ANKS1B: variants seen among roughly 807,000 people sequenced by gnomAD.
ANKS1B encodes ankyrin repeat and sterile alpha motif domain-containing protein 1B.
A neutral mutation model predicts 148.3 loss-of-function variants in ANKS1B; 36 were observed. That is an observed-to-expected ratio of 0.24 (90% CI 0.19 to 0.32). The LOEUF (loss-of-function observed/expected upper bound fraction) is 0.32, where lower values mean the gene tolerates loss of function less well. Among genes scored for constraint, ANKS1B ranks in the 10% least tolerant of loss-of-function variants. The pLI, the probability that ANKS1B is intolerant of heterozygous loss-of-function variation, is 1.00. For synonymous variants in ANKS1B, 542 were observed against 560.8 expected (o/e 0.97, Z 0.47); for missense variants, 1,157 against 1,542.6 (o/e 0.75, Z 4.19).
intron 1 of ANKS1B, among the ~76,000 whole-genome samples, chr12:99,976,708 C>T (rs888520952): frequency 6.6e-6 from 1 of 152,150 alleles, no homozygotes; most frequent in African/African-American, 2.4e-5. Context: ...CATTTCACAA[C>T]TAGATCCATG....
At chr12:99,278,584 C>T (rs1158397520) in intron 12 of ANKS1B, among the ~76,000 whole-genome samples, 1 of 152,134 alleles carries the variant, frequency 6.6e-6, no homozygotes, top group Non-Finnish European at 1.5e-5. Context: ...ACACATCCTT[C>T]AAGACCAAGG....
At chr12:98,961,201 G>A (rs530041997) in intron 17 of ANKS1B, among the ~76,000 whole-genome samples, 4 of 152,082 alleles carry the variant, frequency 2.6e-5, no homozygotes, top group African/African-American at 9.7e-5. Context: ...ACCTCAAGAC[G>A]TTTAATAATC....
intron 17 of ANKS1B, among the ~76,000 whole-genome samples, chr12:98,911,193 C>T (rs374672679): frequency 1.2e-4 from 19 of 152,200 alleles, no homozygotes; most frequent in African/African-American, 4.1e-4. Context: ...TACTATAAAA[C>T]TGTGTACTAT....
At chr12:99,910,400 G>A (rs577877077) in intron 1 of ANKS1B, among the ~76,000 whole-genome samples, 3 of 145,818 alleles carry the variant, frequency 2.1e-5, no homozygotes, top group South Asian at 4.4e-4. Flanking sequence ...ACAGATACAT[G>A]CAATAACATG....
intron 4 of ANKS1B, among the ~76,000 whole-genome samples, chr12:99,797,084 C>T (rs973887796): frequency 2.0e-5 from 3 of 151,902 alleles, no homozygotes; most frequent in African/African-American, 4.8e-5. Flanking sequence ...CTATTTACTG[C>T]TATCACAATG....
chr12:98,899,942 A>G (rs2099769846), intron 17 of ANKS1B, among the ~76,000 whole-genome samples: 1 of 152,238 alleles, frequency 6.6e-6, no homozygotes, highest in African/African-American at 2.4e-5. Flanking sequence ...AATGATAGTA[A>G]CCTCAACCAG....
At chr12:99,381,821 T>C (rs2093654625) in intron 12 of ANKS1B, among the ~76,000 whole-genome samples, 1 of 152,212 alleles carries the variant, frequency 6.6e-6, no homozygotes, top group South Asian at 2.1e-4. Flanking sequence ...ACTATTTGGA[T>C]TTTCTTACAG....
chr12:99,691,442 C>T (rs185912984), intron 8 of ANKS1B, among the ~76,000 whole-genome samples: 15 of 152,310 alleles, frequency 9.8e-5, no homozygotes, highest in African/African-American at 3.6e-4. Flanking sequence ...CTCTTGAACA[C>T]TTTGCTGCTT....
At chr12:99,693,643 A>C (rs2053457897) in intron 8 of ANKS1B, among the ~76,000 whole-genome samples, 1 of 152,232 alleles carries the variant, frequency 6.6e-6, no homozygotes, top group Non-Finnish European at 1.5e-5. Context: ...AGTTCAGGAT[A>C]GTCATCATAT....
intron 17 of ANKS1B, chr12:98,894,685 C>T (rs2099760175): frequency 5.1e-6 from 5 of 985,690 alleles, no homozygotes; most frequent in Non-Finnish European, 6.0e-6. Context: ...CGGGCTCTGG[C>T]CCCCGAGGAC....
rs181404526 is a variant in ANKS1B at position 99,662,408 on chromosome 12, G to A, written c.1129-7198C>T. 2.5e-4 allele frequency among the ~76,000 whole-genome samples: 38 copies of A among 152,288 alleles called. 1 individual carries two copies. The highest frequency in any genetic ancestry group is 2.0e-3 in the Admixed American group (30 of 15,308). On this transcript the variant is annotated intron_variant, in intron 8 of 26. Transcript: ENST00000683438. ...TCCATAAAAGCTGCATGATTGCAGA[G>A]ATGCCTGTTGGGTTAGCTACCAAAG...
chr12:99,595,805 T>C (rs530447181), intron 9 of ANKS1B, among the ~76,000 whole-genome samples: 1 of 152,092 alleles, frequency 6.6e-6, no homozygotes, highest in Admixed American at 6.6e-5. Flanking sequence ...TCTTTTATTG[T>C]ACTAAAATAT....
chr12:99,482,326 T>G (rs537787436), intron 10 of ANKS1B, among the ~76,000 whole-genome samples: 1 of 152,050 alleles, frequency 6.6e-6, no homozygotes, highest in East Asian at 1.9e-4. Flanking sequence ...TTTGTCAAAA[T>G]CACTTGGCTG....
intron 14 of ANKS1B, among the ~76,000 whole-genome samples, chr12:99,185,114 T>G (rs962029045): frequency 1.3e-5 from 2 of 152,222 alleles, no homozygotes; most frequent in African/African-American, 4.8e-5. Flanking sequence ...CAGAACACGA[T>G]GAGTGACACA....
chr12:99,652,409 G>T (rs931108536), intron 9 of ANKS1B, among the ~76,000 whole-genome samples: 1 of 151,922 alleles, frequency 6.6e-6, no homozygotes, highest in Admixed American at 6.6e-5. Context: ...GGAGGCAGAG[G>T]TTGCAGTGAT....
chr12:99,021,925 TA>T (rs1207831620), intron 17 of ANKS1B, among the ~76,000 whole-genome samples: 3 of 152,214 alleles, frequency 2.0e-5, no homozygotes, highest in Admixed American at 2.0e-4. Context: ...AGCATCTTTT[TA>T]TATGTTTATT....
intron 17 of ANKS1B, among the ~76,000 whole-genome samples, chr12:98,861,402 T>C (rs958188038): frequency 1.3e-5 from 2 of 152,204 alleles, no homozygotes; most frequent in Non-Finnish European, 2.9e-5. Context: ...GTTGATTTAA[T>C]AGATCACCCT....
chr12:99,045,737 G>A (rs2099961907), intron 17 of ANKS1B, among the ~76,000 whole-genome samples: 1 of 152,200 alleles, frequency 6.6e-6, no homozygotes, highest in South Asian at 2.1e-4. Context: ...CGGGCATGAG[G>A]CATTGAAGGA....
intron 9 of ANKS1B, among the ~76,000 whole-genome samples, chr12:99,581,375 A>C (rs1380541486): frequency 6.6e-6 from 1 of 152,206 alleles, no homozygotes; most frequent in Non-Finnish European, 1.5e-5. Flanking sequence ...AATGAACCTC[A>C]AACCTTACAC....
Sources: allele counts gnomAD v4.1 joint callset (sites outside exome capture counted in the v4.1 genomes callset), GRCh38; gene constraint gnomAD v4.1.1; transcripts MANE v1.5; gene names NCBI Gene and HGNC (gene_info 2026-07-23, HGNC 2026-07-21).